PDE10A: variants seen among roughly 807,000 people sequenced by gnomAD.
The protein encoded by PDE10A is phosphodiesterase 10A, also known as cAMP and cAMP-inhibited cGMP 3',5'-cyclic phosphodiesterase 10A.
PDE10A carries 39 observed loss-of-function variants against 97.7 expected under a neutral mutation model. The observed-to-expected ratio is 0.40, with a 90% CI of 0.31 to 0.52. The LOEUF is 0.52. Among genes scored for constraint, PDE10A ranks in the 20% least tolerant of loss-of-function variants. PDE10A has a pLI of 0.56. For missense variants in PDE10A, 731 were observed against 1,047.8 expected (o/e 0.70, Z 4.17); for synonymous variants, 371 against 376.8 (o/e 0.98, Z 0.18).
intron 2 of PDE10A, among the ~76,000 whole-genome samples, chr6:165,541,759 T>C (rs1783452960): frequency 6.6e-6 from 1 of 152,206 alleles, no homozygotes; most frequent in African/African-American, 2.4e-5. Flanking sequence ...GTCTTGATAT[T>C]AAATGCCAAG....
At chr6:165,663,506 C>T (rs1032783173), upstream of PDE10A, among the ~76,000 whole-genome samples, 1 of 152,226 alleles carries the variant, frequency 6.6e-6, no homozygotes, top group Non-Finnish European at 1.5e-5. Flanking sequence ...GCCACGTCGG[C>T]CTGCCCGTTG....
intron 18 of PDE10A, among the ~76,000 whole-genome samples, chr6:165,376,343 T>C (rs904197654): frequency 1.3e-5 from 2 of 152,194 alleles, no homozygotes; most frequent in African/African-American, 4.8e-5. Flanking sequence ...ACGGATGAGG[T>C]GCTTCTTATG....
At chr6:165,895,243 G>A (rs547720963) in intron 1 of PDE10A, among the ~76,000 whole-genome samples, 54 of 152,314 alleles carry the variant, frequency 3.5e-4, no homozygotes, top group African/African-American at 1.2e-3. Flanking sequence ...CCATCAGGGC[G>A]GGCTCCACTC....
intron 11 of PDE10A, among the ~76,000 whole-genome samples, chr6:165,417,644 C>A (rs1372110862): frequency 6.6e-6 from 1 of 151,758 alleles, no homozygotes; most frequent in East Asian, 1.9e-4. Flanking sequence ...ACAAAAAAAA[C>A]CAACAACAAA....
chr6:165,334,527 A>T (rs1180290858), intron 21 of PDE10A, among the ~76,000 whole-genome samples: 1 of 152,252 alleles, frequency 6.6e-6, no homozygotes, highest in Non-Finnish European at 1.5e-5. Flanking sequence ...AGTACCTGGC[A>T]TAAAACACAC....
intron 1 of PDE10A, among the ~76,000 whole-genome samples, chr6:165,844,721 C>G (rs1780359565): frequency 6.6e-6 from 1 of 152,150 alleles, no homozygotes; most frequent in Non-Finnish European, 1.5e-5. Flanking sequence ...TATTTTTACT[C>G]TTTAATCATA....
chr6:165,372,927 T>C (rs1784364340), intron 18 of PDE10A, among the ~76,000 whole-genome samples: 1 of 150,982 alleles, frequency 6.6e-6, no homozygotes, highest in Non-Finnish European at 1.5e-5. Context: ...TAACGCTGCA[T>C]ATCTACAACC....
At chr6:165,896,221 A>G (rs961826792) in intron 1 of PDE10A, among the ~76,000 whole-genome samples, 1 of 152,130 alleles carries the variant, frequency 6.6e-6, no homozygotes, top group Non-Finnish European at 1.5e-5. Flanking sequence ...AAGCCGTTTC[A>G]CCTTGTCCCA....
At chr6:165,792,749 A>C (rs1429431152) in intron 1 of PDE10A, among the ~76,000 whole-genome samples, 1 of 152,122 alleles carries the variant, frequency 6.6e-6, no homozygotes, top group Non-Finnish European at 1.5e-5. Context: ...CCCCATTTCC[A>C]ATGGGATGTC....
rs535024641 is a variant in PDE10A at position 165,615,079 on chromosome 6, G to A, written c.865+46868C>T. ...ACAAAAATTAGCCGAGTACAGTGGCGGGCAGCTGTAATTCTAGCTACTCAG... is the reference window on the plus strand; with the variant it reads ...ACAAAAATTAGCCGAGTACAGTGGCAGGCAGCTGTAATTCTAGCTACTCAG... On this transcript the variant is annotated intron_variant, in intron 1 of 21. Transcript: ENST00000539869. Among the ~76,000 whole-genome samples, 12 of 151,698 alleles carry A rather than the reference G, an allele frequency of 7.9e-5. No individual in the cohort carries two copies. The East Asian group carries it at 1.9e-3, about 25-fold the overall frequency.
At chr6:165,815,675 T>G (rs531894990) in intron 1 of PDE10A, among the ~76,000 whole-genome samples, 1 of 152,040 alleles carries the variant, frequency 6.6e-6, no homozygotes, top group Non-Finnish European at 1.5e-5. Flanking sequence ...TTTTTTCTGG[T>G]TTTTCCCCCC....
chr6:165,666,553 A>G (rs550178385), upstream of PDE10A, among the ~76,000 whole-genome samples: 24 of 152,176 alleles, frequency 1.6e-4, no homozygotes, highest in African/African-American at 5.8e-4. Context: ...GTGTCATATC[A>G]CACAAACTCT....
intron 13 of PDE10A, among the ~76,000 whole-genome samples, chr6:165,398,681 T>C (rs1160640464): frequency 1.3e-5 from 2 of 152,056 alleles, no homozygotes; most frequent in South Asian, 2.1e-4. Context: ...TCAAAATCAA[T>C]GAAAACTCTT....
At chr6:165,590,158 G>A (rs533067944) in intron 1 of PDE10A, among the ~76,000 whole-genome samples, 24 of 152,296 alleles carry the variant, frequency 1.6e-4, no homozygotes, top group African/African-American at 5.3e-4. Context: ...AAAAGGTTCC[G>A]GGATAGAATC....
At chr6:165,702,820 C>G (rs952748900) in intron 1 of PDE10A, among the ~76,000 whole-genome samples, 1 of 152,162 alleles carries the variant, frequency 6.6e-6, no homozygotes, top group Non-Finnish European at 1.5e-5. Flanking sequence ...CTCTCATGAT[C>G]TAATCTGCAC....
At chr6:165,499,382 G>A (rs1307719427) in intron 2 of PDE10A, among the ~76,000 whole-genome samples, 1 of 152,186 alleles carries the variant, frequency 6.6e-6, no homozygotes, top group Non-Finnish European at 1.5e-5. Context: ...AAAGAAATAA[G>A]AAGCCAGACA....
At chr6:165,339,131 A>G (rs757729328) in intron 20 of PDE10A, 147 bp downstream of exon 20, 63 of 674,290 alleles carry the variant, frequency 9.3e-5, no homozygotes, top group Non-Finnish European at 1.6e-4. Flanking sequence ...AAATTTCTGA[A>G]GTTTCTATAT....
intron 1 of PDE10A, among the ~76,000 whole-genome samples, chr6:165,861,785 G>C (rs528574299): frequency 6.6e-6 from 1 of 152,282 alleles, no homozygotes; most frequent in South Asian, 2.1e-4. Flanking sequence ...GAGGTGACAA[G>C]GATGTGCCAC....
intron 1 of PDE10A, among the ~76,000 whole-genome samples, chr6:165,794,527 C>A (rs1314694900): frequency 2.0e-5 from 3 of 151,848 alleles, no homozygotes; most frequent in Non-Finnish European, 4.4e-5. Context: ...CACTCGCACA[C>A]CCTCACACAC....
Sources: allele counts gnomAD v4.1 joint callset (sites outside exome capture counted in the v4.1 genomes callset), GRCh38; gene constraint gnomAD v4.1.1; transcripts MANE v1.5; gene names NCBI Gene and HGNC (gene_info 2026-07-23, HGNC 2026-07-21).